Variants in PIEZO1 observed in about 807,000 individuals in gnomAD.
PIEZO1 encodes the protein piezo-type mechanosensitive ion channel component 1.
A neutral mutation model predicts 297.2 loss-of-function variants in PIEZO1; 296 were observed. That is an observed-to-expected ratio of 1.00 (90% CI 0.91 to 1.10). The LOEUF is 1.10. Ranked by LOEUF, PIEZO1 falls within the 50% of genes least tolerant of loss-of-function variation. PIEZO1 has a pLI of 0.00. For missense variants in PIEZO1, 5,018 were observed against 3,455.5 expected, an observed-to-expected ratio of 1.45 and a Z score of -11.34; for synonymous variants, 2,427 against 1,507.5, an observed-to-expected ratio of 1.61 and a Z score of -14.13.
rs1034086501 is a variant in PIEZO1, at chr16:88,737,773, C to T, written c.1062G>A (p.Glu354=). ...AAKGYEAREL[E]LAELDQWPQE... is the part of the protein sequence containing the mutation. ...GGGGCCACTGGTCCAGCTCTGCTAG[C>T]TCCAGCTCCCGAGCCTCATACCCCT... The change falls in exon 9 of 51, where the codon GAG becomes GAA. Residue 354 remains glutamate, a synonymous_variant. Transcript: ENST00000301015. 4 of 1,535,666 alleles carry T rather than the reference C, an allele frequency of 2.6e-6. No individual in the cohort carries two copies. The African/African-American group carries it at 5.5e-5, about 21-fold the overall frequency.
At chr16:88,755,011 G>A (rs1257988303) in intron 1 of PIEZO1, among the ~76,000 whole-genome samples, 1 of 152,234 alleles carries the variant, frequency 6.6e-6, no homozygotes, top group Non-Finnish European at 1.5e-5. Context: ...GAGAGGAGAG[G>A]CCTAACCAGA....
rs1253104286 is a variant in PIEZO1 at position 88,731,734 on chromosome 16, G to A, written c.3168C>T (p.Cys1056=). 2.6e-6 allele frequency: 4 copies of A among 1,549,818 alleles called. No individual in the cohort carries two copies. The highest frequency in any genetic ancestry group is 2.7e-5 in the African/African-American group (2 of 73,048). Residue 1056 remains cysteine (C), a synonymous_variant, in exon 22 of 51, where the codon TGC becomes TGT. Coordinates refer to ENST00000301015, the MANE Select transcript of PIEZO1 (RefSeq NM_001142864.4). ...TGCACAGGGCCGGGGGCATCCCCAG[G>A]CACAGCAGGTACTGGTACAGCAGGA... ...ALFLLYQYLL[C]LGMPPALCID... is the part of the protein sequence containing the mutation.
intron 1 of PIEZO1, among the ~76,000 whole-genome samples, chr16:88,770,875 C>T (rs1185293417): frequency 1.3e-5 from 2 of 152,228 alleles, no homozygotes; most frequent in African/African-American, 4.8e-5. Context: ...CAGTGAGGTG[C>T]CCTGGGGGCT....
Position 88,721,541 on chromosome 16 carries a change from C to G in PIEZO1, c.5400G>C (p.Leu1800=), listed in dbSNP as rs575669681. The G allele has an allele frequency of 1.4e-5, 21 of 1,548,364 alleles. No homozygotes were observed. In the African/African-American group the frequency reaches 2.6e-4, roughly 19 times the overall value. ...LMALFFHRSQ[L]LCYGLWDHEE... ...GCCAGCCAAGGCTCACACTCACCAG[C>G]AGCTGGGAGCGGTGGAAGAAAAGGG... is the stretch of plus-strand genomic sequence containing the variant. Residue 1800 remains leucine (L), a synonymous_variant, in exon 38 of 51, where the codon CTG becomes CTC. Transcript: ENST00000301015.
intron 31 of PIEZO1, 131 bp downstream of exon 31, chr16:88,723,740 G>A: frequency 3.2e-6 from 2 of 626,198 alleles, no homozygotes; most frequent in Non-Finnish European, 5.7e-6. Flanking sequence ...GGATGGGGCG[G>A]GGTGGGCTAA....
intron 2 of PIEZO1, among the ~76,000 whole-genome samples, chr16:88,745,981 C>T (rs75513109): frequency 0.033 from 4,996 of 152,314 alleles, 238 homozygotes; most frequent in African/African-American, 0.11. Context: ...CCACACCTGC[C>T]GGACAAGGGC....
intron 13 of PIEZO1, 21 bp from the exon 14 acceptor site, chr16:88,735,074 AG>A: frequency 6.5e-7 from 1 of 1,550,118 alleles, no homozygotes; most frequent in Non-Finnish European, 8.7e-7. Flanking sequence ...AGCCAGGGGC[AG>A]GCGATGGCAT....
intron 29 of PIEZO1, 95 bp from the exon 30 acceptor site, chr16:88,725,175 G>A (rs568849385): frequency 1.2e-6 from 1 of 845,980 alleles, no homozygotes; most frequent in East Asian, 2.9e-5. Flanking sequence ...GATAGGTGGA[G>A]ACAGACACGG....
At chr16:88,725,976 G>C in intron 27 of PIEZO1, 1 of 567,772 alleles carries the variant, frequency 1.8e-6, no homozygotes, top group Non-Finnish European at 3.1e-6. Context: ...TGGGGCAGTC[G>C]TGACACCACA....
At chr16:88,759,934 G>A (rs533236211) in intron 1 of PIEZO1, among the ~76,000 whole-genome samples, 24 of 152,240 alleles carry the variant, frequency 1.6e-4, no homozygotes, top group Non-Finnish European at 2.1e-4. Flanking sequence ...GGCCGAGCCC[G>A]GCCAGGCCCA....
intron 23 of PIEZO1, 78 bp downstream of exon 23, chr16:88,727,479 A>G: frequency 1.5e-6 from 1 of 671,306 alleles, no homozygotes; most frequent in South Asian, 1.9e-5. Context: ...GCCTGTGTGC[A>G]CACTTGTGAG....
At chr16:88,756,129 G>A (rs1417501625) in intron 1 of PIEZO1, among the ~76,000 whole-genome samples, 1 of 152,150 alleles carries the variant, frequency 6.6e-6, no homozygotes, top group Non-Finnish European at 1.5e-5. Context: ...CTCTGCGGCC[G>A]CCATCTGGGA....
rs1196455686 is a variant in PIEZO1, at chr16:88,733,651, C to G, written c.2424G>C (p.Arg808=). ...GCTTGAAAACGTGAAGCTCCAGCAGCCGCCGCAGGAACACCTGCACGCGTG... is the reference window on the plus strand; with the variant it reads ...GCTTGAAAACGTGAAGCTCCAGCAGGCGCCGCAGGAACACCTGCACGCGTG... The part of the protein sequence containing the change: ...VLSRVQVFLR[R]LLELHVFKLV... The change falls in exon 18 of 51, where the codon CGG becomes CGC. Residue 808 remains arginine, a synonymous_variant. Coordinates refer to ENST00000301015, the MANE Select transcript of PIEZO1 (RefSeq NM_001142864.4). 6.5e-7 allele frequency: 1 copy of G among 1,549,682 alleles called. No homozygotes were observed. The highest frequency in any genetic ancestry group is 1.4e-5 in the African/African-American group (1 of 73,046).
intron 1 of PIEZO1, among the ~76,000 whole-genome samples, chr16:88,758,284 G>T (rs1031840928): frequency 6.6e-6 from 1 of 152,064 alleles, no homozygotes; most frequent in African/African-American, 2.4e-5. Flanking sequence ...ACCACTCTGG[G>T]TTAAGTGTCA....
Position 88,719,562 on chromosome 16 carries a change from G to A in PIEZO1, c.6471+12C>T, listed in dbSNP as rs1358983593. On this transcript the variant is annotated intron_variant, in intron 44 of 50. Coordinates refer to ENST00000301015, the MANE Select transcript of PIEZO1 (RefSeq NM_001142864.4). ...TGGCCCTTGTCCCGGCCCCCGCCCTGGGCCCAGGCACCTTCTCTGTCTCTC... is the reference window on the plus strand; with the variant it reads ...TGGCCCTTGTCCCGGCCCCCGCCCTAGGCCCAGGCACCTTCTCTGTCTCTC... 2 of 1,549,894 alleles carry A rather than the reference G, an allele frequency of 1.3e-6. No individual in the cohort carries two copies. Among genetic ancestry groups the A allele is most frequent in the Non-Finnish European group, 1.7e-6 (2 of 1,146,472 alleles).
chr16:88,778,540 G>A (rs920930824), intron 1 of PIEZO1, among the ~76,000 whole-genome samples: 7 of 152,182 alleles, frequency 4.6e-5, no homozygotes, highest in Non-Finnish European at 1.0e-4. Context: ...AGACAACGGC[G>A]GGGAATCGGG....
rs1221656574 is a variant in PIEZO1 at position 88,732,474 on chromosome 16, T to A, written c.2852A>T (p.His951Leu). 6.5e-7 allele frequency: 1 copy of A among 1,549,312 alleles called. No individual in the cohort carries two copies. Among genetic ancestry groups the A allele is most frequent in the East Asian group, 2.4e-5 (1 of 40,908 alleles). ...GGCCAGCTGGTGCTGCCGGCGGTAG[T>A]GCTCCTGGCGCCGGTACACGATGGC... The part of the protein sequence containing the change: ...FEAIVYRRQE[H>L]YRRQHQLAPL... The change falls in exon 21 of 51, where the codon CAC becomes CTC. Residue 951 changes from histidine to leucine, a missense_variant. Transcript: ENST00000301015.
chr16:88,778,171 T>C (rs1041755737), intron 1 of PIEZO1, among the ~76,000 whole-genome samples: 6 of 152,332 alleles, frequency 3.9e-5, no homozygotes, highest in Non-Finnish European at 8.8e-5. Context: ...CGGACCGGTG[T>C]AGCTCACAGA....
chr16:88,768,510 T>C (rs915504923), intron 1 of PIEZO1, among the ~76,000 whole-genome samples: 1 of 152,202 alleles, frequency 6.6e-6, no homozygotes, highest in African/African-American at 2.4e-5. Flanking sequence ...ATCCTGTTTT[T>C]ATGGAAAACT....
Sources: allele counts gnomAD v4.1 joint callset (sites outside exome capture counted in the v4.1 genomes callset), GRCh38; gene constraint gnomAD v4.1.1; transcripts MANE v1.5; gene names NCBI Gene and HGNC (gene_info 2026-07-23, HGNC 2026-07-21).